Variants in ELF2 observed in about 807,000 individuals in gnomAD.
The protein encoded by ELF2 is ETS-related transcription factor Elf-2.
Under a neutral mutation model 54.8 loss-of-function variants are expected in ELF2, and 11 were observed. The observed-to-expected ratio is 0.20, with a 90% CI of 0.13 to 0.33. ELF2 has a LOEUF of 0.33. Ranked by LOEUF, ELF2 falls within the 10% of genes least tolerant of loss-of-function variation. The pLI is 1.00. For synonymous variants in ELF2, 203 were observed against 245.1 expected (o/e 0.83, Z 1.61); for missense variants, 513 against 703.0 (o/e 0.73, Z 3.06).
At chr4:139,151,030 AAAAAAGAAAGAAAGAAAG>A (rs1289757049) in intron 1 of ELF2, among the ~76,000 whole-genome samples, 1 of 124,674 alleles carries the variant, frequency 8.0e-6, no homozygotes, top group Non-Finnish European at 1.7e-5. Context: ...TCTCAAAAAA[AAAAAAGAAAGAAAGAAAG>A]AAAGAAAGAA....
chr4:139,142,864 C>CT (rs1229473004), intron 1 of ELF2, among the ~76,000 whole-genome samples: 1 of 139,622 alleles, frequency 7.2e-6, no homozygotes, highest in Non-Finnish European at 1.6e-5. Flanking sequence ...GAGACCTTGT[C>CT]TCAAAAAAAA....
At position 139,068,054 on chromosome 4, in the gene ELF2, T is replaced by C. The variant is rs1030089160; in HGVS notation, c.527-284A>G. ...AATCTTTTTTTTTTTTGAGACAGAG[T>C]CTTGCTCTGTCGCCCAGGCTGGAGT... On this transcript the variant is annotated intron_variant, in intron 6 of 9. Coordinates refer to ENST00000686138, the MANE Select transcript of ELF2 (RefSeq NM_001331036.3). Among the ~76,000 whole-genome samples, 5 of 151,122 alleles carry C rather than the reference T, an allele frequency of 3.3e-5. No individual in the cohort carries two copies. In the East Asian group the frequency reaches 7.8e-4, roughly 24 times the overall value.
chr4:139,161,832 G>A (rs1049935409), intron 1 of ELF2, among the ~76,000 whole-genome samples: 47 of 151,788 alleles, frequency 3.1e-4, no homozygotes, highest in African/African-American at 8.9e-4. Flanking sequence ...TAGGCCAGGC[G>A]CAGTGTAATC....
intron 2 of ELF2, 130 bp from the exon 3 acceptor site, chr4:139,137,997 T>A: frequency 1.7e-6 from 1 of 576,876 alleles, no homozygotes; most frequent in Non-Finnish European, 2.7e-6. Context: ...CATCCCCGTG[T>A]CAAAAGAGGG....
In ELF2 at chr4:139,058,012, A is replaced by G. The variant is rs1423942183; in HGVS notation, c.*971T>C. The G allele has an allele frequency of 6.6e-6, 1 of 152,584 alleles. No individual in the cohort carries two copies. The allele number at this position is 152,584 out of a possible 1,614,324, so 9.5% of individuals were successfully genotyped here. On this transcript the variant is annotated 3_prime_UTR_variant, in exon 10 of 10. Coordinates refer to ENST00000686138, the MANE Select transcript of ELF2 (RefSeq NM_001331036.3). ...TTTCCCTCATAAACTTCAACTAAAAAAAAGAAAAAAAAACAAAGAAAACTC... is the reference window on the plus strand; with the variant it reads ...TTTCCCTCATAAACTTCAACTAAAAGAAAGAAAAAAAAACAAAGAAAACTC...
rs977961257 is a variant in ELF2, at chr4:139,114,848, G to C, written c.238+10316C>G. ...TCATGGCACCAGGCCTGGCCGCAGGGTCCCCCGGTATTGCTGTTGCTACGA... is the reference window on the plus strand; with the variant it reads ...TCATGGCACCAGGCCTGGCCGCAGGCTCCCCCGGTATTGCTGTTGCTACGA... On this transcript the variant is annotated intron_variant, in intron 4 of 9. Transcript: ENST00000686138. 17 of 1,596,548 alleles carry C rather than the reference G, an allele frequency of 1.1e-5. No individual in the cohort carries two copies. In the East Asian group the frequency reaches 3.8e-4, roughly 36 times the overall value.
chr4:139,067,390 G>GT (rs1014592871), intron 7 of ELF2: 49 of 308,144 alleles, frequency 1.6e-4, no homozygotes, highest in African/African-American at 9.4e-4. Flanking sequence ...CTATTATCCT[G>GT]TAAGTCAATG....
intron 3 of ELF2, 103 bp downstream of exon 3, chr4:139,137,527 T>C (rs1233693749): frequency 1.1e-5 from 13 of 1,147,476 alleles, no homozygotes; most frequent in Non-Finnish European, 1.7e-5. Flanking sequence ...ATTTCATGCT[T>C]TGTACATTTT....
chr4:139,084,502 TCCGCCCCGCGC>T, intron 4 of ELF2: 1 of 872,834 alleles, frequency 1.1e-6, no homozygotes, highest in Non-Finnish European at 1.4e-6. Flanking sequence ...ACGCGATCCT[TCCGCCCCGCGC>T]CCAAACAGGA....
intron 1 of ELF2, among the ~76,000 whole-genome samples, chr4:139,162,549 AAAT>A: frequency 6.6e-6 from 1 of 152,182 alleles, no homozygotes; most frequent in Non-Finnish European, 1.5e-5. Flanking sequence ...ATAAATAAAT[AAAT>A]AATGTAAATA....
At chr4:139,119,639 G>A (rs58015807) in intron 4 of ELF2, among the ~76,000 whole-genome samples, 3,557 of 152,290 alleles carry the variant, frequency 0.023, 90 homozygotes, top group South Asian at 0.14. Flanking sequence ...GTACTGCCCT[G>A]TCTCTTACGG....
intron 1 of ELF2, among the ~76,000 whole-genome samples, chr4:139,162,425 G>A (rs775151500): frequency 4.6e-5 from 7 of 150,902 alleles, no homozygotes; most frequent in Non-Finnish European, 7.4e-5. Flanking sequence ...CAGCTACTCC[G>A]GAGGTTGAGG....
At chr4:139,113,311 T>G (rs1735174881) in intron 4 of ELF2, among the ~76,000 whole-genome samples, 2 of 152,130 alleles carry the variant, frequency 1.3e-5, no homozygotes, top group South Asian at 4.1e-4. Flanking sequence ...TGAGCCATGA[T>G]CATACCACTG....
At chr4:139,151,065 AAAGAAAGAAAGAAAGAAAGAAAG>A (rs1195178359) in intron 1 of ELF2, among the ~76,000 whole-genome samples, 2 of 147,054 alleles carry the variant, frequency 1.4e-5, no homozygotes, top group South Asian at 2.1e-4. Context: ...AGAAAGAAAG[AAAGAAAGAAAGAAAGAAAGAAAG>A]AAAGAAAAAG....
chr4:139,161,475 A>T (rs1381341097), intron 1 of ELF2, among the ~76,000 whole-genome samples: 1 of 151,964 alleles, frequency 6.6e-6, no homozygotes, highest in African/African-American at 2.4e-5. Context: ...ATTTAATGAA[A>T]ACAGCTGTAT....
intron 4 of ELF2, chr4:139,084,321 A>C: frequency 6.4e-7 from 1 of 1,568,626 alleles, no homozygotes; most frequent in Non-Finnish European, 8.6e-7. Flanking sequence ...ACTCGCACAC[A>C]CTCCGACGCC....
At chr4:139,165,291 A>G (rs1042761973) in intron 1 of ELF2, among the ~76,000 whole-genome samples, 1 of 152,250 alleles carries the variant, frequency 6.6e-6, no homozygotes, top group African/African-American at 2.4e-5. Flanking sequence ...TTATTTCACA[A>G]TGACCTATGA....
At chr4:139,115,114 T>C (rs1735506918) in intron 4 of ELF2, 1 of 1,613,688 alleles carries the variant, frequency 6.2e-7, no homozygotes, top group African/African-American at 1.3e-5. Flanking sequence ...GATCTCCTCT[T>C]CCTGGCAGTC....
intron 6 of ELF2, 28 bp from the exon 7 acceptor site, chr4:139,067,798 C>G: frequency 6.5e-7 from 1 of 1,541,818 alleles, no homozygotes; most frequent in Non-Finnish European, 8.8e-7. Flanking sequence ...TGAAACCATA[C>G]GTTGAAAACA....
Sources: allele counts gnomAD v4.1 joint callset (sites outside exome capture counted in the v4.1 genomes callset), GRCh38; gene constraint gnomAD v4.1.1; transcripts MANE v1.5; gene names NCBI Gene and HGNC (gene_info 2026-07-23, HGNC 2026-07-21).